The following C3orf18 variants were observed in gnomAD, a reference collection of about 807,000 sequenced individuals.
The protein encoded by C3orf18 is uncharacterized protein C3orf18.
C3orf18 carries 12 observed loss-of-function variants against 14.1 expected under a neutral mutation model. The ratio of observed to expected loss-of-function variants is 0.85; its 90% CI spans 0.55 to 1.38. The LOEUF is 1.38. C3orf18 is among the 40% of genes most tolerant of loss of function. The pLI, the probability that C3orf18 is intolerant of heterozygous loss-of-function variation, is 0.00. For synonymous variants in C3orf18, 82 were observed against 87.9 expected (o/e 0.93, Z 0.38); for missense variants, 196 against 213.9 (o/e 0.92, Z 0.52).
chr3:50,566,826 G>C (rs891630188), intron 1 of C3orf18, among the ~76,000 whole-genome samples: 8 of 152,186 alleles, frequency 5.3e-5, no homozygotes, highest in African/African-American at 1.9e-4. Flanking sequence ...CCTGGAAGCA[G>C]AGGGTGAGAG....
chr3:50,573,207 T>A (rs945940960), upstream of C3orf18, among the ~76,000 whole-genome samples: 2 of 151,988 alleles, frequency 1.3e-5, no homozygotes, highest in African/African-American at 4.8e-5. Flanking sequence ...CACAGGGCTG[T>A]CAAGGAAGGG....
At chr3:50,571,948 A>G (rs1313006606), upstream of C3orf18, 2 of 1,264,578 alleles carry the variant, frequency 1.6e-6, no homozygotes, top group Non-Finnish European at 2.2e-6. Flanking sequence ...GGGCCGGGGT[A>G]CTGAATAGGA....
At chr3:50,572,106 C>T, upstream of C3orf18, 2 of 1,613,846 alleles carry the variant, frequency 1.2e-6, no homozygotes, top group Non-Finnish European at 1.7e-6. Flanking sequence ...CCAGCTGCCC[C>T]CTCTGCAGGA....
Position 50,559,121 on chromosome 3 carries a change from T to G in C3orf18, c.*536A>C, listed in dbSNP as rs1163518808. 2 of 1,289,838 alleles carry G rather than the reference T, an allele frequency of 1.6e-6. No individual in the cohort carries two copies. The highest frequency in any genetic ancestry group is 1.1e-4 in the East Asian group (2 of 18,018). The allele number at this position is 1,289,838 out of a possible 1,614,324, so 79.9% of individuals were successfully genotyped here. ...TGAATTGCCCTTCTCCTGGCATCCT[T>G]GCATACTGGACAGTTTCAGCTCCAT... On this transcript the variant is annotated 3_prime_UTR_variant, in exon 6 of 6. Transcript: ENST00000357203.
At chr3:50,569,298 C>T (rs1700611553), upstream of C3orf18, 1 of 152,390 alleles carries the variant, frequency 6.6e-6, no homozygotes, top group Admixed American at 6.5e-5. Flanking sequence ...GGGTCAACCC[C>T]ACACACATCC....
rs1700430482 is a variant in C3orf18, at chr3:50,567,706, G to T, written c.-495C>A. ...AGGGCCGGGACCCACGGCGGAGGTG[G>T]GGCCGGGCCGAGCAGCCTCGGGGGA... is the stretch of plus-strand genomic sequence containing the variant. On this transcript the variant is annotated 5_prime_UTR_variant, in exon 1 of 6. Coordinates refer to ENST00000357203, the MANE Select transcript of C3orf18 (RefSeq NM_016210.5). 1 of 152,416 alleles carries T rather than the reference G, an allele frequency of 6.6e-6. No individual in the cohort carries two copies. Among genetic ancestry groups the T allele is most frequent in the South Asian group, 2.1e-4 (1 of 4,834 alleles). The allele number at this position is 152,416 out of a possible 1,614,324, so 9.4% of individuals were successfully genotyped here. A position where few individuals can be genotyped will look rare whatever the true frequency, so the allele number is the denominator to read the frequency against.
chr3:50,560,310 T>A (rs1015250528), intron 5 of C3orf18, among the ~76,000 whole-genome samples: 2 of 152,122 alleles, frequency 1.3e-5, no homozygotes, highest in African/African-American at 4.8e-5. Flanking sequence ...GGGGAAATGG[T>A]GGCAAGTGGT....
chr3:50,562,367 A>T (rs1430320505), intron 3 of C3orf18: 1 of 414,976 alleles, frequency 2.4e-6, no homozygotes, highest in Admixed American at 2.6e-5. Flanking sequence ...GCCACTCAGC[A>T]CCTGCCTGTG....
At chr3:50,560,278 G>A (rs1314531418) in intron 5 of C3orf18, among the ~76,000 whole-genome samples, 1 of 152,238 alleles carries the variant, frequency 6.6e-6, no homozygotes, top group Admixed American at 6.5e-5. Flanking sequence ...CCTGCTCATG[G>A]TGCTCTGGCC....
upstream of C3orf18, among the ~76,000 whole-genome samples, chr3:50,573,371 C>A (rs1333743579): frequency 1.3e-5 from 2 of 152,240 alleles, no homozygotes; most frequent in Non-Finnish European, 2.9e-5. Flanking sequence ...GGAGGCTTAC[C>A]TGTGGCTCCT....
upstream of C3orf18, among the ~76,000 whole-genome samples, chr3:50,568,229 T>A (rs764657908): frequency 1.6e-4 from 25 of 152,136 alleles, no homozygotes; most frequent in Non-Finnish European, 3.2e-4. Context: ...GGATTTATTA[T>A]TGGGCACCCC....
chr3:50,569,505 C>G (rs1700635365), upstream of C3orf18: 1 of 151,268 alleles, frequency 6.6e-6, no homozygotes, highest in African/African-American at 2.4e-5. Flanking sequence ...CGACGGGCCA[C>G]GCACGTCCGG....
chr3:50,571,770 A>T, upstream of C3orf18: 2 of 1,614,176 alleles, frequency 1.2e-6, no homozygotes, highest in Non-Finnish European at 1.7e-6. Flanking sequence ...ACTACAGTGT[A>T]TCCGGGAGCT....
At position 50,562,503 on chromosome 3, in the gene C3orf18, C is replaced by A. The variant is rs538778637; in HGVS notation, c.235-756G>T. The A allele has an allele frequency of 1.8e-4, 83 of 454,748 alleles. No individual in the cohort carries two copies. The East Asian group carries it at 5.6e-3, about 31-fold the overall frequency. The allele number at this position is 454,748 out of a possible 1,614,324, so 28.2% of individuals were successfully genotyped here. A position where few individuals can be genotyped will look rare whatever the true frequency, so the allele number is the denominator to read the frequency against. On this transcript the variant is annotated intron_variant, in intron 3 of 5. Transcript: ENST00000357203. ...CGGTAAGGTAGCACATGCCTGTAGTCCCAGTTACTCAAGAGGCTGAGGCAG... is the reference window on the plus strand; with the variant it reads ...CGGTAAGGTAGCACATGCCTGTAGTACCAGTTACTCAAGAGGCTGAGGCAG...
chr3:50,560,923 C>T lies in C3orf18; in HGVS notation c.402G>A (p.Gln134=). 6.2e-7 allele frequency: 1 copy of T among 1,611,014 alleles called. No homozygotes were observed. Among genetic ancestry groups the T allele is most frequent in the Non-Finnish European group, 8.5e-7 (1 of 1,178,466 alleles). ...GAGCCTGGTCAGTGCCCACCTTGCC[C>T]TGCATGGCCTGCACAGAAGTAGCAG... The part of the protein sequence containing the change: ...VQAATSVQAM[Q]GKTTLPSQGP... Residue 134 remains glutamine, a synonymous_variant, in exon 5 of 6, where the codon CAG becomes CAA. Coordinates refer to ENST00000357203, the MANE Select transcript of C3orf18 (RefSeq NM_016210.5).
At position 50,565,803 on chromosome 3, in the gene C3orf18, T is replaced by A; in HGVS notation, c.-104A>T. On this transcript the variant is annotated 5_prime_UTR_variant, in exon 3 of 6. Coordinates refer to ENST00000357203, the MANE Select transcript of C3orf18 (RefSeq NM_016210.5). This position sits in a 1 kb window ranked among gnomAD's most constrained non-coding sequence, Gnocchi z 4.4. ...CCCAGCCTGTGGTTCCTGCCACCTG[T>A]GGTGGCCACCTGCACAGCCACCTCC... 1.2e-6 allele frequency: 1 copy of A among 815,448 alleles called. No homozygotes were observed. Among genetic ancestry groups the A allele is most frequent in the Non-Finnish European group, 1.9e-6 (1 of 520,104 alleles). The allele number at this position is 815,448 out of a possible 1,614,324, so 50.5% of individuals were successfully genotyped here. A position where few individuals can be genotyped will look rare whatever the true frequency, so the allele number is the denominator to read the frequency against.
chr3:50,569,834 T>C (rs1700707230), upstream of C3orf18: 1 of 152,004 alleles, frequency 6.6e-6, no homozygotes, highest in South Asian at 2.1e-4. Context: ...CCTGGGACAG[T>C]CTTTTTTTTC....
At chr3:50,566,670 C>G (rs555228940) in intron 1 of C3orf18, among the ~76,000 whole-genome samples, 142 of 152,208 alleles carry the variant, frequency 9.3e-4, no homozygotes, top group Admixed American at 1.5e-3. Flanking sequence ...CTCTGGTTCT[C>G]TGGCGGGGCT....
chr3:50,561,115 C>T, intron 4 of C3orf18, 51 bp from the exon 5 acceptor site: 1 of 1,586,984 alleles, frequency 6.3e-7, no homozygotes, highest in East Asian at 2.2e-5. Flanking sequence ...CTTCCCCTCC[C>T]AGCAGCCCTC....
Sources: gnomAD v4.1 joint callset for allele counts (sites outside exome capture counted in the v4.1 genomes callset) on GRCh38, gnomAD v4.1.1 for gene constraint, Gnocchi (gnomAD v3.1) non-coding constraint, MANE v1.5 for transcripts, NCBI Gene and HGNC (gene_info 2026-07-23, HGNC 2026-07-21) for gene names.